Variants in AKR1E2 observed in about 807,000 individuals in gnomAD.
AKR1E2 encodes aldo-keto reductase family 1 member E2.
In AKR1E2, 43 loss-of-function variants were observed where a neutral mutation model predicts 41.9. The observed-to-expected ratio is 1.03, with a 90% CI of 0.80 to 1.32. The LOEUF (loss-of-function observed/expected upper bound fraction) is 1.32, where lower values mean the gene tolerates loss of function less well. Among genes scored for constraint, AKR1E2 ranks in the 40% most tolerant of loss-of-function variants. AKR1E2 has a pLI of 0.00. For synonymous variants in AKR1E2, 121 were observed against 138.9 expected (o/e 0.87, Z 0.91); for missense variants, 423 against 396.5 (o/e 1.07, Z -0.57).
the AKR1E2 span, among the ~76,000 whole-genome samples, chr10:4,868,845 T>A: frequency 6.6e-6 from 1 of 152,324 alleles, no homozygotes; most frequent in African/African-American, 2.4e-5. Context: ...ATTAACTGAT[T>A]TTTGAACATT....
intron 1 of AKR1E2, among the ~76,000 whole-genome samples, chr10:4,827,479 C>T (rs1832634427): frequency 7.1e-6 from 1 of 141,684 alleles, no homozygotes; most frequent in Admixed American, 7.0e-5. Flanking sequence ...CCTTCCTCAC[C>T]TCCCCCAGCC....
chr10:4,853,458 A>AC, the AKR1E2 span, among the ~76,000 whole-genome samples: 30,031 of 147,914 alleles, frequency 0.2, 3,355 homozygotes, highest in Middle Eastern at 0.29. Flanking sequence ...AAAAAAAAAA[A>AC]CCAAACTCTG....
At chr10:4,872,618 C>T in the AKR1E2 span, among the ~76,000 whole-genome samples, 3 of 152,228 alleles carry the variant, frequency 2.0e-5, no homozygotes, top group South Asian at 2.1e-4. Context: ...CTCTCTGTTA[C>T]CCCTACCCTG....
intron 1 of AKR1E2, among the ~76,000 whole-genome samples, chr10:4,828,435 C>T (rs928525236): frequency 1.3e-5 from 2 of 152,166 alleles, no homozygotes; most frequent in South Asian, 2.1e-4. Flanking sequence ...CCTTGATAAG[C>T]GCCCATACCT....
chr10:4,826,218 C>G lies in AKR1E2; in HGVS notation c.-107C>G. On this transcript the variant is annotated 5_prime_UTR_variant, in exon 1 of 10. Transcript: ENST00000298375. ...TCGGAGTGTCAGCCGTCACAAGGCA[C>G]TTCCAGCCAGTCGCAACGGCGGGTC... 7.6e-6 allele frequency: 7 copies of G among 918,062 alleles called. No individual in the cohort carries two copies. The highest frequency in any genetic ancestry group is 1.0e-5 in the Non-Finnish European group (7 of 700,424). The allele number at this position is 918,062 out of a possible 1,614,324, so 56.9% of individuals were successfully genotyped here. A position where few individuals can be genotyped will look rare whatever the true frequency, so the allele number is the denominator to read the frequency against.
chr10:4,826,092 C>G (rs907780134), upstream of AKR1E2: 18 of 395,418 alleles, frequency 4.6e-5, no homozygotes, highest in Non-Finnish European at 7.1e-5. Context: ...GCGCCTCCAG[C>G]CAATCGGGGT....
chr10:4,837,392 C>G, intron 4 of AKR1E2, 67 bp from the exon 5 acceptor site: 6 of 1,584,992 alleles, frequency 3.8e-6, no homozygotes, highest in Non-Finnish European at 4.3e-6. Context: ...TACAGAACTG[C>G]TGAGGGACGT....
intron 4 of AKR1E2, among the ~76,000 whole-genome samples, chr10:4,836,485 A>G (rs1833433496): frequency 6.6e-6 from 1 of 152,168 alleles, no homozygotes; most frequent in Non-Finnish European, 1.5e-5. Context: ...CTTGCTAACC[A>G]TCATGTGGGA....
At chr10:4,832,407 G>A (rs1372687140) in intron 2 of AKR1E2, among the ~76,000 whole-genome samples, 3 of 152,182 alleles carry the variant, frequency 2.0e-5, no homozygotes, top group Non-Finnish European at 4.4e-5. Context: ...GCCTTGGTGT[G>A]TGCTTGGCCA....
rs61745192 is a variant in AKR1E2 at position 4,830,781 on chromosome 10, G to A, written c.146G>A (p.Gly49Glu). Residue 49 changes from glycine (G) to glutamate (E), a missense_variant, in exon 2 of 10, where the codon GGG becomes GAG. Gly to Glu is a moderately conservative substitution (Grantham distance 98). Transcript: ENST00000298375. ...FYHNEREVGA[G>E]IRCKIKEGAV... ...CACAATGAGAGGGAGGTTGGAGCAGGGATCCGTTGCAAGATCAAGGAAGGC... is the reference window on the plus strand; with the variant it reads ...CACAATGAGAGGGAGGTTGGAGCAGAGATCCGTTGCAAGATCAAGGAAGGC... 2 of 1,613,992 alleles carry A rather than the reference G, an allele frequency of 1.2e-6. No individual in the cohort carries two copies. The highest frequency in any genetic ancestry group is 2.7e-5 in the African/African-American group (2 of 74,898).
the AKR1E2 span, among the ~76,000 whole-genome samples, chr10:4,864,736 A>T: frequency 6.6e-6 from 1 of 152,198 alleles, no homozygotes; most frequent in Non-Finnish European, 1.5e-5. Flanking sequence ...AAATCTCCTT[A>T]AGCTGATAAG....
At chr10:4,835,890 T>TTCAAAGACA (rs1441503607) in intron 4 of AKR1E2, 81 bp downstream of exon 4, 2 of 1,545,272 alleles carry the variant, frequency 1.3e-6, no homozygotes, top group African/African-American at 1.4e-5. Context: ...GCTGCTTGTG[T>TTCAAAGACA]TCAAAGACAT....
intron 2 of AKR1E2, among the ~76,000 whole-genome samples, chr10:4,831,582 A>G (rs781568199): frequency 6.6e-6 from 1 of 152,140 alleles, no homozygotes; most frequent in African/African-American, 2.4e-5. Context: ...ACTTGCCCCC[A>G]TGATTCAGTT....
chr10:4,872,654 T>C, the AKR1E2 span, among the ~76,000 whole-genome samples: 1 of 152,168 alleles, frequency 6.6e-6, no homozygotes, highest in African/African-American at 2.4e-5. Context: ...TGTTATTTAT[T>C]CAACCAATAT....
chr10:4,867,905 G>T, the AKR1E2 span, among the ~76,000 whole-genome samples: 1 of 152,132 alleles, frequency 6.6e-6, no homozygotes, highest in Non-Finnish European at 1.5e-5. Flanking sequence ...TTTCAAGTTT[G>T]CAGCTTTCCT....
the AKR1E2 span, among the ~76,000 whole-genome samples, chr10:4,872,974 G>A: frequency 6.6e-6 from 1 of 152,080 alleles, no homozygotes; most frequent in African/African-American, 2.4e-5. Flanking sequence ...TTCTAGGCAG[G>A]GGGAATGGCC....
At chr10:4,837,300 C>T in intron 4 of AKR1E2, 159 bp from the exon 5 acceptor site, 1 of 1,092,944 alleles carries the variant, frequency 9.1e-7, no homozygotes, top group Non-Finnish European at 1.3e-6. Flanking sequence ...GGACTGAAAT[C>T]AGACCTTGAG....
At chr10:4,846,571 A>G (rs1254136629) in intron 8 of AKR1E2, among the ~76,000 whole-genome samples, 2 of 144,624 alleles carry the variant, frequency 1.4e-5, no homozygotes, top group African/African-American at 2.6e-5. Context: ...TTTGAGATGG[A>G]GTCTCACTCT....
chr10:4,833,202 T>A, intron 2 of AKR1E2, 148 bp from the exon 3 acceptor site: 1 of 694,190 alleles, frequency 1.4e-6, no homozygotes, highest in East Asian at 2.5e-5. Flanking sequence ...AATGTCCCTG[T>A]CCTCCCATCA....
Sources: allele counts gnomAD v4.1 joint callset (sites outside exome capture counted in the v4.1 genomes callset), GRCh38; gene constraint gnomAD v4.1.1; transcripts MANE v1.5; gene names NCBI Gene and HGNC (gene_info 2026-07-23, HGNC 2026-07-21).